CTCFL: variants seen among roughly 807,000 people sequenced by gnomAD.
The protein encoded by CTCFL is transcriptional repressor CTCFL.
CTCFL carries 36 observed loss-of-function variants against 67.4 expected under a neutral mutation model. The observed-to-expected ratio is 0.53, with a 90% CI of 0.41 to 0.71. The LOEUF (loss-of-function observed/expected upper bound fraction) is 0.71. Among genes scored for constraint, CTCFL ranks in the 30% least tolerant of loss-of-function variants. The pLI is 0.00. For synonymous variants in CTCFL, 324 were observed against 302.3 expected (o/e 1.07, Z -0.75); for missense variants, 786 against 835.2 (o/e 0.94, Z 0.73).
At position 57,524,145 on chromosome 20, in the gene CTCFL, A is replaced by G. The variant is rs1221473183; in HGVS notation, c.61T>C (p.Leu21=). 5.6e-6 allele frequency: 9 copies of G among 1,612,854 alleles called. No individual in the cohort carries two copies. Among genetic ancestry groups the G allele is most frequent in the Middle Eastern group, 1.6e-4 (1 of 6,084 alleles). Residue 21 remains leucine (L), a synonymous_variant, in exon 2 of 11, where the codon TTG becomes CTG. Coordinates refer to ENST00000243914, the MANE Select transcript of CTCFL (RefSeq NM_001386993.1). ...TCCTTCAGGCCTTTTTCCGGCATCA[A>G]CTCGAGTTCTTTGATCTTGGTGAAT... The part of the protein sequence containing the change: ...EQFTKIKELE[L]MPEKGLKEEE...
Position 57,519,381 on chromosome 20 carries a change from T to A in CTCFL, c.755-4A>T. On this transcript the variant is annotated splice_region_variant and splice_polypyrimidine_tract_variant and intron_variant, in intron 3 of 10. Transcript: ENST00000243914. ...CAGTGGAAGGTTCCTTTTGCTCCTATAGGCAGGAAATAGTTTATGTATTTG... is the reference window on the plus strand; with the variant it reads ...CAGTGGAAGGTTCCTTTTGCTCCTAAAGGCAGGAAATAGTTTATGTATTTG... 2 of 1,611,784 alleles carry A rather than the reference T, an allele frequency of 1.2e-6. No individual in the cohort carries two copies. Among genetic ancestry groups the A allele is most frequent in the South Asian group, 1.1e-5 (1 of 90,976 alleles).
At chr20:57,506,690 G>T (rs1027564318) in intron 9 of CTCFL, 1 of 538,296 alleles carries the variant, frequency 1.9e-6, no homozygotes, top group Non-Finnish European at 2.4e-6. Context: ...GTCCAAATAT[G>T]CTTTCTTGAA....
intron 7 of CTCFL, 105 bp downstream of exon 7, chr20:57,514,487 G>T: frequency 7.3e-7 from 1 of 1,367,440 alleles, no homozygotes; most frequent in South Asian, 1.4e-5. Flanking sequence ...AGTTCCCGAA[G>T]ACCGGGCCTC....
Position 57,497,324 on chromosome 20 carries a change from G to C in CTCFL, c.*1226C>G. 2 of 985,040 alleles carry C rather than the reference G, an allele frequency of 2.0e-6. No homozygotes were observed. Among genetic ancestry groups the C allele is most frequent in the Non-Finnish European group, 2.4e-6 (2 of 829,662 alleles). 61.0% of individuals were successfully genotyped at this position (985,040 alleles called of 1,614,324 possible). A position where few individuals can be genotyped will look rare whatever the true frequency, so the allele number is the denominator to read the frequency against. ...GTGAGTTGAGTTAAATTAATTTGCTGGTACAAAGAGAATATAATGCTCTTC... is the reference window on the plus strand; with the variant it reads ...GTGAGTTGAGTTAAATTAATTTGCTCGTACAAAGAGAATATAATGCTCTTC... On this transcript the variant is annotated 3_prime_UTR_variant, in exon 11 of 11. Transcript: ENST00000243914.
intron 2 of CTCFL, 65 bp downstream of exon 2, chr20:57,523,598 G>T: frequency 6.5e-7 from 1 of 1,550,048 alleles, no homozygotes; most frequent in Non-Finnish European, 8.7e-7. Context: ...ACATAATATT[G>T]CATAAAAGCC....
chr20:57,516,513 G>T (rs914266877), intron 5 of CTCFL, among the ~76,000 whole-genome samples: 2 of 151,760 alleles, frequency 1.3e-5, no homozygotes, highest in Non-Finnish European at 2.9e-5. Context: ...CTCCAACCAG[G>T]GTAACAGAGT....
intron 7 of CTCFL, chr20:57,513,446 A>G: frequency 2.0e-6 from 2 of 990,534 alleles, no homozygotes; most frequent in Non-Finnish European, 2.4e-6. Flanking sequence ...ACATTTAGAG[A>G]GCTTGATTTC....
intron 3 of CTCFL, among the ~76,000 whole-genome samples, chr20:57,520,072 A>G (rs2069240732): frequency 6.6e-6 from 1 of 152,190 alleles, no homozygotes; most frequent in Non-Finnish European, 1.5e-5. Context: ...GCACTGATGG[A>G]GAGGTGAAAA....
Position 57,498,370 on chromosome 20 carries a change from A to G in CTCFL, c.*180T>C. The G allele has an allele frequency of 2.9e-6, 4 of 1,391,934 alleles. No individual in the cohort carries two copies. Among genetic ancestry groups the G allele is most frequent in the Non-Finnish European group, 3.7e-6 (4 of 1,069,294 alleles). 86.2% of individuals were successfully genotyped at this position (1,391,934 alleles called of 1,614,324 possible). On this transcript the variant is annotated 3_prime_UTR_variant, in exon 11 of 11. Transcript: ENST00000243914. ...TGTGTCATCCATTGTCATGAACTTA[A>G]TTGTTTCAAAGAAAATGCTAAAAAT...
intron 3 of CTCFL, 100 bp from the exon 4 acceptor site, chr20:57,519,477 C>A: frequency 2.0e-6 from 2 of 1,000,356 alleles, no homozygotes. Context: ...AACGTGGGAA[C>A]TGAACAATAG....
At chr20:57,517,573 C>T (rs777833303) in intron 5 of CTCFL, among the ~76,000 whole-genome samples, 30 of 151,988 alleles carry the variant, frequency 2.0e-4, no homozygotes, top group Non-Finnish European at 1.5e-4. Flanking sequence ...CCACCGCGCC[C>T]GGCCAATTCA....
chr20:57,519,753 C>T lies in CTCFL; in HGVS notation c.755-376G>A, dbSNP rs116793750. On this transcript the variant is annotated intron_variant, in intron 3 of 10. Coordinates refer to ENST00000243914, the MANE Select transcript of CTCFL (RefSeq NM_001386993.1). The stretch of plus-strand genomic sequence containing the variant: ...AAGTGGGGCGCCCAAGAAATGTGGC[C>T]CTGCATTCTCTGTAGGGTGAACTAA... Among the ~76,000 whole-genome samples the T allele has an allele frequency of 2.5e-3, 377 of 152,196 alleles. 1 individual carries two copies. Among genetic ancestry groups the T allele is most frequent in the African/African-American group, 8.9e-3 (371 of 41,508 alleles).
chr20:57,514,920 A>AGCT (rs1315594274), intron 6 of CTCFL, 179 bp from the exon 7 acceptor site: 1 of 634,452 alleles, frequency 1.6e-6, no homozygotes, highest in African/African-American at 1.8e-5. Context: ...TGTCAAGTAC[A>AGCT]GCTGTGTCCA....
At position 57,524,005 on chromosome 20, in the gene CTCFL, C is replaced by T. The variant is rs1340716503; in HGVS notation, c.201G>A (p.Leu67=). The T allele has an allele frequency of 3.7e-6, 6 of 1,613,144 alleles. No homozygotes were observed. Among genetic ancestry groups the T allele is most frequent in the Non-Finnish European group, 5.1e-6 (6 of 1,179,994 alleles). ...QDSVLEEEVE[L]VLAPSEESEK... is the part of the protein sequence containing the mutation. ...CGCTCTCCTCCGAGGGGGCCAGCAC[C>T]AGCTCCACTTCTTCCTCCAGGACGC... The change falls in exon 2 of 11, where the codon CTG becomes CTA. Residue 67 remains leucine (L), a synonymous_variant. Transcript: ENST00000243914.
chr20:57,512,983 T>C (rs41305827), intron 7 of CTCFL, among the ~76,000 whole-genome samples: 4,262 of 152,160 alleles, frequency 0.028, 101 homozygotes, highest in Non-Finnish European at 0.047. Context: ...AAAGCCAAAA[T>C]ACCTCTAGAT....
chr20:57,501,808 G>C (rs1461009244), intron 10 of CTCFL, among the ~76,000 whole-genome samples: 1 of 152,154 alleles, frequency 6.6e-6, no homozygotes, highest in Non-Finnish European at 1.5e-5. Flanking sequence ...GCAGGGGCTG[G>C]GAGTTTGGGA....
intron 5 of CTCFL, 34 bp from the exon 6 acceptor site, chr20:57,515,868 G>A: frequency 2.5e-6 from 4 of 1,581,674 alleles, no homozygotes; most frequent in Admixed American, 1.9e-5. Context: ...CGTTGCAATA[G>A]AAACTAAAAA....
intron 9 of CTCFL, chr20:57,507,626 C>T (rs1374900585): frequency 2.8e-6 from 2 of 702,906 alleles, no homozygotes; most frequent in Non-Finnish European, 5.2e-6. Flanking sequence ...GGAACTGAGG[C>T]CGGTGCCAGC....
intron 1 of CTCFL, chr20:57,524,628 C>T: frequency 9.8e-7 from 1 of 1,023,258 alleles, no homozygotes; most frequent in Non-Finnish European, 1.2e-6. Context: ...TCGGCCAGTG[C>T]ATATCCTGGG....
Sources: allele counts gnomAD v4.1 joint callset (sites outside exome capture counted in the v4.1 genomes callset), GRCh38; gene constraint gnomAD v4.1.1; transcripts MANE v1.5; gene names NCBI Gene and HGNC (gene_info 2026-07-23, HGNC 2026-07-21).